CELF2: variants seen among roughly 807,000 people sequenced by gnomAD.
CELF2 encodes the protein CUG triplet repeat RNA-binding protein 2.
A neutral mutation model predicts 62.6 loss-of-function variants in CELF2; 8 were observed. The ratio of observed to expected loss-of-function variants is 0.13; its 90% CI spans 0.07 to 0.23. The LOEUF (loss-of-function observed/expected upper bound fraction) is 0.23, where lower values mean the gene tolerates loss of function less well. CELF2 is among the 10% of genes least tolerant of loss of function. The probability of loss-of-function intolerance (pLI) is 1.00; values close to 1 mark genes in which losing one functional copy is unlikely to be tolerated. For synonymous variants in CELF2, 258 were observed against 250.0 expected, an observed-to-expected ratio of 1.03 and a Z score of -0.30; for missense variants, 333 against 671.0, an observed-to-expected ratio of 0.50 and a Z score of 5.56.
At chr10:10,503,603 A>G in the CELF2 span, among the ~76,000 whole-genome samples, 1 of 151,910 alleles carries the variant, frequency 6.6e-6, no homozygotes, top group Non-Finnish European at 1.5e-5. Context: ...TGCTTATACC[A>G]TTATGTTTTA....
intron 5 of CELF2, among the ~76,000 whole-genome samples, chr10:11,262,700 G>A (rs1037027064): frequency 4.6e-5 from 7 of 152,140 alleles, no homozygotes; most frequent in African/African-American, 1.4e-4. Flanking sequence ...ATATTATATT[G>A]ATAGCGTATG....
chr10:11,095,053 T>C (rs2049411971), intron 1 of CELF2, among the ~76,000 whole-genome samples: 1 of 152,230 alleles, frequency 6.6e-6, no homozygotes. Context: ...TTATCATTCC[T>C]GTCAATCATT....
intron 2 of CELF2, among the ~76,000 whole-genome samples, chr10:10,937,925 G>A (rs2046606743): frequency 6.6e-6 from 1 of 152,144 alleles, no homozygotes; most frequent in African/African-American, 2.4e-5. Context: ...TTTATTGACT[G>A]CACAGGTGTT....
chr10:10,839,205 G>T (rs2058513604), intron 1 of CELF2, among the ~76,000 whole-genome samples: 1 of 152,058 alleles, frequency 6.6e-6, no homozygotes, highest in African/African-American at 2.4e-5. Flanking sequence ...ACTGCTACCG[G>T]GTTGTCATTG....
At chr10:11,151,786 G>A (rs2063383266) in intron 1 of CELF2, among the ~76,000 whole-genome samples, 1 of 152,136 alleles carries the variant, frequency 6.6e-6, no homozygotes. Context: ...AGGGCTTTTA[G>A]GAAACATAGA....
At chr10:11,015,800 G>T (rs942699540), upstream of CELF2, among the ~76,000 whole-genome samples, 1 of 152,148 alleles carries the variant, frequency 6.6e-6, no homozygotes, top group African/African-American at 2.4e-5. This position sits in a 1 kb window ranked among gnomAD's most constrained non-coding sequence, Gnocchi z 4.8. Flanking sequence ...TTAACAAACT[G>T]CTGAGAAGGC....
intron 3 of CELF2, among the ~76,000 whole-genome samples, chr10:11,226,974 T>G (rs1353236919): frequency 7.2e-5 from 11 of 152,214 alleles, no homozygotes; most frequent in Non-Finnish European, 1.5e-4. Flanking sequence ...ATCCACAATC[T>G]GCATTTTAAT....
intron 3 of CELF2, among the ~76,000 whole-genome samples, chr10:11,232,791 G>A (rs2069294240): frequency 6.6e-6 from 1 of 152,198 alleles, no homozygotes; most frequent in Non-Finnish European, 1.5e-5. Flanking sequence ...TCATGGATGG[G>A]AGAAGAAAAA....
chr10:10,816,708 A>G (rs766997139), intron 1 of CELF2, among the ~76,000 whole-genome samples: 1 of 152,220 alleles, frequency 6.6e-6, no homozygotes, highest in Non-Finnish European at 1.5e-5. Context: ...AGCTAATCAT[A>G]TGGTACTAAT....
chr10:10,768,896 C>T, the CELF2 span, among the ~76,000 whole-genome samples: 1 of 152,188 alleles, frequency 6.6e-6, no homozygotes, highest in Non-Finnish European at 1.5e-5. Flanking sequence ...TTTTATTGTT[C>T]TACTAGAGTA....
At chr10:10,916,138 A>G (rs765831868) in intron 1 of CELF2, among the ~76,000 whole-genome samples, 2 of 152,238 alleles carry the variant, frequency 1.3e-5, no homozygotes, top group Non-Finnish European at 2.9e-5. Flanking sequence ...GTATAAATTC[A>G]TGAAAACATG....
In CELF2 at chr10:11,100,216, TAAA is replaced by T. The variant is rs762183319; in HGVS notation, c.75-65269_75-65267del. Among the ~76,000 whole-genome samples, 632 of 122,890 alleles carry T rather than the reference TAAA, an allele frequency of 5.1e-3. 1 individual carries two copies. Among genetic ancestry groups the T allele is most frequent in the Middle Eastern group, 7.3e-3 (2 of 274 alleles). The allele number at this position is 122,890 out of a possible 152,430, so 80.6% of individuals were successfully genotyped here. On this transcript the variant is annotated intron_variant, in intron 1 of 12. Transcript: ENST00000633077. ...GAGACTCTGTCTCAAAATAAATAAA[TAAA>T]TAAAATAAATAAATAAATAAATAAA...
chr10:11,035,206 A>T (rs2060760196), intron 1 of CELF2, among the ~76,000 whole-genome samples: 1 of 152,218 alleles, frequency 6.6e-6, no homozygotes, highest in Admixed American at 6.5e-5. Flanking sequence ...TTAAGGAAAA[A>T]AAAAAATTCT....
the CELF2 span, among the ~76,000 whole-genome samples, chr10:10,686,146 C>T: frequency 6.6e-6 from 1 of 152,092 alleles, no homozygotes; most frequent in South Asian, 2.1e-4. Context: ...GCAAATAGAT[C>T]CTTTCAATTG....
At chr10:11,107,322 T>G (rs2053778047) in intron 1 of CELF2, among the ~76,000 whole-genome samples, 1 of 152,098 alleles carries the variant, frequency 6.6e-6, no homozygotes, top group Non-Finnish European at 1.5e-5. Context: ...CCCCAAATTC[T>G]TCAGAGAACT....
At chr10:11,133,882 C>T (rs755372172) in intron 1 of CELF2, among the ~76,000 whole-genome samples, 100 of 152,304 alleles carry the variant, frequency 6.6e-4, no homozygotes, top group African/African-American at 1.9e-3. Context: ...TCTTTAAAGA[C>T]TGTCCCCTCC....
At chr10:10,737,165 T>A in the CELF2 span, among the ~76,000 whole-genome samples, 1 of 152,204 alleles carries the variant, frequency 6.6e-6, no homozygotes, top group South Asian at 2.1e-4. Context: ...GTTGGTCTCA[T>A]CTAACTATCC....
At chr10:10,958,101 T>C (rs1031675878) in intron 2 of CELF2, among the ~76,000 whole-genome samples, 3 of 152,154 alleles carry the variant, frequency 2.0e-5, no homozygotes, top group Non-Finnish European at 4.4e-5. Context: ...TAAAAGCGTG[T>C]ATTGGTCTCT....
chr10:10,892,720 GCTCT>G (rs1222380195), intron 1 of CELF2, among the ~76,000 whole-genome samples: 1 of 152,184 alleles, frequency 6.6e-6, no homozygotes, highest in Non-Finnish European at 1.5e-5. Context: ...CTACTGCCAG[GCTCT>G]ACATGTTGTT....
Sources: allele counts gnomAD v4.1 joint callset (sites outside exome capture counted in the v4.1 genomes callset), GRCh38; gene constraint gnomAD v4.1.1; non-coding constraint Gnocchi (gnomAD v3.1); transcripts MANE v1.5; gene names NCBI Gene and HGNC (gene_info 2026-07-23, HGNC 2026-07-21).